Variants in ITPR2 observed in about 807,000 individuals in gnomAD.
ITPR2 encodes inositol 1,4,5-trisphosphate receptor type 2, also known as inositol 1,4,5-trisphosphate-gated calcium channel ITPR2.
ITPR2 carries 207 observed loss-of-function variants against 317.1 expected under a neutral mutation model. That is an observed-to-expected ratio of 0.65 (90% CI 0.58 to 0.73). The LOEUF (loss-of-function observed/expected upper bound fraction) is 0.73, where lower values mean the gene tolerates loss of function less well. Ranked by LOEUF, ITPR2 falls within the 30% of genes least tolerant of loss-of-function variation. The pLI, the probability that ITPR2 is intolerant of heterozygous loss-of-function variation, is 0.00. For missense variants in ITPR2, 2,613 were observed against 3,284.0 expected, an observed-to-expected ratio of 0.80 and a Z score of 4.99; for synonymous variants, 1,156 against 1,149.1, an observed-to-expected ratio of 1.01 and a Z score of -0.12.
intron 14 of ITPR2, among the ~76,000 whole-genome samples, chr12:26,664,347 T>G (rs528188224): frequency 6.6e-6 from 1 of 152,252 alleles, no homozygotes; most frequent in Non-Finnish European, 1.5e-5. Context: ...TGTTTTTGTA[T>G]ACAAAGATGT....
chr12:26,569,418 G>A lies in ITPR2; in HGVS notation c.4631-7466C>T, dbSNP rs140981131. On this transcript the variant is annotated intron_variant, in intron 34 of 56. Coordinates refer to ENST00000381340, the MANE Select transcript of ITPR2 (RefSeq NM_002223.4). The stretch of plus-strand genomic sequence containing the variant: ...AAAATACAAAAATTAGCCGGGTGTG[G>A]CAGCACGTGCCTATAGTCCCAGCTA... 6.0e-3 allele frequency among the ~76,000 whole-genome samples: 914 copies of A among 151,942 alleles called. 2 individuals carry two copies. The highest frequency in any genetic ancestry group is 8.2e-3 in the Non-Finnish European group (557 of 67,930).
chr12:26,799,123 T>C (rs1052868517), intron 1 of ITPR2, among the ~76,000 whole-genome samples: 1 of 152,200 alleles, frequency 6.6e-6, no homozygotes, highest in African/African-American at 2.4e-5. Context: ...CAAGCATAGG[T>C]TTGTTGCTGC....
intron 1 of ITPR2, among the ~76,000 whole-genome samples, chr12:26,820,917 C>T (rs550547177): frequency 2.0e-5 from 3 of 152,224 alleles, no homozygotes; most frequent in South Asian, 4.1e-4. Flanking sequence ...TACATGGTAC[C>T]TAGAATAGGC....
chr12:26,564,592 A>G (rs1944899632), intron 34 of ITPR2, among the ~76,000 whole-genome samples: 1 of 152,200 alleles, frequency 6.6e-6, no homozygotes, highest in Admixed American at 6.5e-5. Context: ...GGTGGGCCCC[A>G]ATCCAATTCA....
chr12:26,772,595 G>A (rs55928430), intron 2 of ITPR2, among the ~76,000 whole-genome samples: 1 of 120,002 alleles, frequency 8.3e-6, no homozygotes, highest in African/African-American at 2.7e-5. Flanking sequence ...TTCTTCATTA[G>A]ATTATAAATT....
chr12:26,383,931 T>C (rs1173645364), intron 55 of ITPR2, among the ~76,000 whole-genome samples: 4 of 152,224 alleles, frequency 2.6e-5, no homozygotes, highest in African/African-American at 4.8e-5. Context: ...GGAAGGACTT[T>C]TCACATTTTC....
intron 1 of ITPR2, among the ~76,000 whole-genome samples, chr12:26,821,496 C>CG (rs1950937135): frequency 6.6e-6 from 1 of 152,206 alleles, no homozygotes; most frequent in South Asian, 2.1e-4. Flanking sequence ...ATTCCCAAAG[C>CG]AGCCCTAGGT....
intron 54 of ITPR2, among the ~76,000 whole-genome samples, chr12:26,390,311 G>A (rs1939794208): frequency 6.6e-6 from 1 of 152,140 alleles, no homozygotes; most frequent in Admixed American, 6.5e-5. Flanking sequence ...ACTTGTACAT[G>A]TTCATAGCAG....
chr12:26,372,046 G>A (rs1939203604), intron 55 of ITPR2, among the ~76,000 whole-genome samples: 1 of 152,116 alleles, frequency 6.6e-6, no homozygotes, highest in African/African-American at 2.4e-5. Flanking sequence ...AATCCAGGTG[G>A]GTTCACCTAC....
chr12:26,829,278 GC>G (rs1410929023), intron 1 of ITPR2, among the ~76,000 whole-genome samples: 1 of 151,988 alleles, frequency 6.6e-6, no homozygotes, highest in Non-Finnish European at 1.5e-5. Flanking sequence ...GTAGAAAACT[GC>G]TATATTTTTA....
chr12:26,426,611 T>C (rs1021906587), intron 49 of ITPR2, among the ~76,000 whole-genome samples: 3 of 152,144 alleles, frequency 2.0e-5, no homozygotes, highest in Non-Finnish European at 4.4e-5. Flanking sequence ...TATAGTACAC[T>C]TCCCTTTATT....
chr12:26,770,791 G>A (rs1949826136), intron 2 of ITPR2, among the ~76,000 whole-genome samples: 1 of 152,158 alleles, frequency 6.6e-6, no homozygotes, highest in Non-Finnish European at 1.5e-5. Context: ...TCCTGTGACT[G>A]CTACAACAAA....
chr12:26,670,025 T>G (rs947235855), intron 13 of ITPR2, among the ~76,000 whole-genome samples: 1 of 152,182 alleles, frequency 6.6e-6, no homozygotes, highest in East Asian at 1.9e-4. Context: ...CAGGCTTGCT[T>G]AGGTAAACAA....
chr12:26,623,732 T>C (rs567605189), intron 24 of ITPR2, among the ~76,000 whole-genome samples: 1 of 152,152 alleles, frequency 6.6e-6, no homozygotes, highest in Non-Finnish European at 1.5e-5. Flanking sequence ...CTTAAACATT[T>C]TAATTTTTCT....
At chr12:26,644,003 C>T (rs1947052749) in intron 21 of ITPR2, among the ~76,000 whole-genome samples, 1 of 152,136 alleles carries the variant, frequency 6.6e-6, no homozygotes, top group South Asian at 2.1e-4. Context: ...AAGCCAGATG[C>T]TATTTATCAT....
chr12:26,433,591 C>T (rs530746618), intron 48 of ITPR2, among the ~76,000 whole-genome samples: 1 of 152,128 alleles, frequency 6.6e-6, no homozygotes, highest in Non-Finnish European at 1.5e-5. Context: ...TGGAGTGCCG[C>T]ACTGTTAAAT....
At chr12:26,768,549 A>C (rs1487472365) in intron 2 of ITPR2, among the ~76,000 whole-genome samples, 1 of 139,354 alleles carries the variant, frequency 7.2e-6, no homozygotes, top group East Asian at 2.3e-4. Context: ...GAGAATGTCA[A>C]ATGGATGAAT....
chr12:26,714,666 T>C (rs906401076), intron 8 of ITPR2, among the ~76,000 whole-genome samples: 1 of 152,202 alleles, frequency 6.6e-6, no homozygotes, highest in African/African-American at 2.4e-5. Context: ...GCTAGTGGTT[T>C]AGATGTTTAG....
chr12:26,598,638 T>C (rs2136734300), intron 30 of ITPR2, among the ~76,000 whole-genome samples: 1 of 152,318 alleles, frequency 6.6e-6, no homozygotes, highest in South Asian at 2.1e-4. Flanking sequence ...TGCTGAAATT[T>C]GTAACTTACT....
Sources: gnomAD v4.1 joint callset for allele counts (sites outside exome capture counted in the v4.1 genomes callset) on GRCh38, gnomAD v4.1.1 for gene constraint, MANE v1.5 for transcripts, NCBI Gene and HGNC (gene_info 2026-07-23, HGNC 2026-07-21) for gene names.